Variants in CHM observed in about 807,000 individuals in gnomAD.
CHM encodes rab proteins geranylgeranyltransferase component A 1.
A neutral mutation model predicts 49.0 loss-of-function variants in CHM; 10 were observed. The observed-to-expected ratio is 0.20, with a 90% CI of 0.13 to 0.35. The LOEUF is 0.35. Among genes scored for constraint, CHM ranks in the 10% least tolerant of loss-of-function variants. CHM has a pLI of 1.00. For missense variants in CHM, 455 were observed against 478.4 expected (o/e 0.95, Z 0.46); for synonymous variants, 184 against 167.5 (o/e 1.10, Z -0.76).
intron 2 of CHM, 106 bp downstream of exon 2, chrX:86,027,385 T>C: frequency 6.3e-6 from 4 of 632,235 alleles, no homozygotes; most frequent in South Asian, 4.8e-5. Flanking sequence ...TTATGTATGA[T>C]ATACACATAC....
intron 12 of CHM, among the ~76,000 whole-genome samples, chrX:85,890,669 C>T (rs1925384895): frequency 8.9e-6 from 1 of 112,044 alleles, no homozygotes; most frequent in African/African-American, 3.3e-5. Context: ...AACTGTAAGT[C>T]CAATTAAATC....
intron 14 of CHM, among the ~76,000 whole-genome samples, chrX:85,867,133 C>T (rs754581696): frequency 8.9e-6 from 1 of 111,775 alleles, no homozygotes; most frequent in Non-Finnish European, 1.9e-5. Flanking sequence ...ACCCAAATCT[C>T]ATTTGCAATT....
At chrX:85,897,339 G>C (rs774052400) in intron 11 of CHM, among the ~76,000 whole-genome samples, 7 of 102,842 alleles carry the variant, frequency 6.8e-5, no homozygotes, top group East Asian at 5.9e-4. Context: ...GTGTGTGTGT[G>C]TGTGTCTGTG....
Position 85,891,331 on chromosome X carries a change from C to T in CHM, c.1510+2857G>A, listed in dbSNP as rs186953365. 4.5e-4 allele frequency among the ~76,000 whole-genome samples: 50 copies of T among 112,041 alleles called. No homozygotes were observed. In the East Asian group the frequency reaches 0.012, roughly 26 times the overall value. ...CCATGAGGAAAATGTCTCCAGGCCA[C>T]GTCAGAGACCTTCACTGCAGCCTCT... On this transcript the variant is annotated intron_variant, in intron 12 of 14. Transcript: ENST00000357749.
At chrX:86,030,062 G>T (rs1252860201) in intron 1 of CHM, among the ~76,000 whole-genome samples, 2 of 111,812 alleles carry the variant, frequency 1.8e-5, no homozygotes, top group African/African-American at 6.5e-5. Flanking sequence ...CCTCCATTTG[G>T]CCCAAAAATA....
intron 4 of CHM, among the ~76,000 whole-genome samples, chrX:85,972,609 C>T (rs1931000411): frequency 8.8e-6 from 1 of 113,085 alleles, no homozygotes; most frequent in Admixed American, 9.2e-5. Flanking sequence ...GGGTGCTAAG[C>T]CCCTCACTGC....
intron 8 of CHM, among the ~76,000 whole-genome samples, chrX:85,934,471 T>G (rs1928659306): frequency 1.2e-5 from 1 of 83,765 alleles, no homozygotes. Flanking sequence ...CCCCATCCTG[T>G]GTCCATCCTG....
At chrX:85,918,991 T>A (rs1422308576) in intron 8 of CHM, among the ~76,000 whole-genome samples, 2 of 111,167 alleles carry the variant, frequency 1.8e-5, no homozygotes, top group Admixed American at 1.9e-4. Context: ...ACCAAGATAT[T>A]GAGGACCTGA....
chrX:85,898,527 T>C (rs571087308), intron 11 of CHM, among the ~76,000 whole-genome samples: 1 of 111,717 alleles, frequency 9.0e-6, no homozygotes, highest in South Asian at 3.8e-4. Context: ...AACACCCTCT[T>C]CATCTCCACA....
At position 85,862,024 on chromosome X, in the gene CHM, C is replaced by A. The variant is rs994588928; in HGVS notation, c.*2606G>T. On this transcript the variant is annotated 3_prime_UTR_variant, in exon 15 of 15. Transcript: ENST00000357749. ...AAAGCTCTAAGAATAATTTCTGTTA[C>A]ATTTTGAGGCAACAGGAAATATATA... 8.9e-6 allele frequency: 1 copy of A among 112,009 alleles called. No individual in the cohort carries two copies. The highest frequency in any genetic ancestry group is 1.9e-5 in the Non-Finnish European group (1 of 53,161). 9.2% of individuals were successfully genotyped at this position (112,009 alleles called of 1,213,427 possible). A position where few individuals can be genotyped will look rare whatever the true frequency, so the allele number is the denominator to read the frequency against.
intron 8 of CHM, among the ~76,000 whole-genome samples, chrX:85,931,404 G>C (rs755147976): frequency 9.0e-6 from 1 of 111,403 alleles, no homozygotes; most frequent in Non-Finnish European, 1.9e-5. Context: ...CTAAAAATGC[G>C]TAAAAATCCA....
At chrX:86,043,912 C>T (rs1934567468) in intron 1 of CHM, among the ~76,000 whole-genome samples, 2 of 110,833 alleles carry the variant, frequency 1.8e-5, no homozygotes, top group South Asian at 7.6e-4. Flanking sequence ...ACTCTTAAAT[C>T]AAAAGAATAT....
At chrX:85,928,346 C>A (rs1188733144) in intron 8 of CHM, among the ~76,000 whole-genome samples, 1 of 111,273 alleles carries the variant, frequency 9.0e-6, no homozygotes, top group Middle Eastern at 4.2e-3. Flanking sequence ...AGTTTGAGAC[C>A]ATCCTGGCCA....
chrX:86,019,040 T>TA (rs1313168377), intron 2 of CHM, among the ~76,000 whole-genome samples: 2 of 111,746 alleles, frequency 1.8e-5, no homozygotes, highest in Admixed American at 1.9e-4. Flanking sequence ...GGAGAATGTA[T>TA]AAAAGGTAAC....
intron 2 of CHM, among the ~76,000 whole-genome samples, chrX:85,986,972 A>AG (rs374812293): frequency 6.7e-4 from 75 of 111,615 alleles, no homozygotes; most frequent in Non-Finnish European, 1.1e-3. Context: ...AAAAAAAAAA[A>AG]CTAACAAATC....
At chrX:85,879,132 G>A in intron 12 of CHM, 69 bp from the exon 13 acceptor site, 1 of 769,133 alleles carries the variant, frequency 1.3e-6, no homozygotes, top group Non-Finnish European at 1.9e-6. Context: ...AAGGCATTAA[G>A]CTGGTATTAT....
intron 12 of CHM, among the ~76,000 whole-genome samples, chrX:85,885,177 A>C (rs984758567): frequency 9.0e-6 from 1 of 110,638 alleles, no homozygotes; most frequent in African/African-American, 3.3e-5. Flanking sequence ...TGAATACTTA[A>C]TATGTACTTA....
At chrX:86,011,686 G>A (rs1418879958) in intron 2 of CHM, among the ~76,000 whole-genome samples, 1 of 111,736 alleles carries the variant, frequency 8.9e-6, no homozygotes, top group Non-Finnish European at 1.9e-5. Context: ...TTTTGTTAAT[G>A]CAATTAAGGA....
In CHM at chrX:85,979,825, C is replaced by T. The variant is rs773723707; in HGVS notation, c.190-934G>A. Reference sequence around the variant, plus strand: ...AAATATTTTTAAAAGGCTTTGTTGTCCTGAGTTTAACATTTTAAACTGAAG... The same window carrying T: ...AAATATTTTTAAAAGGCTTTGTTGTTCTGAGTTTAACATTTTAAACTGAAG... On this transcript the variant is annotated intron_variant, in intron 3 of 14. Coordinates refer to ENST00000357749, the MANE Select transcript of CHM (RefSeq NM_000390.4). Among the ~76,000 whole-genome samples, 8 of 111,737 alleles carry T rather than the reference C, an allele frequency of 7.2e-5. No homozygotes were observed. The South Asian group carries it at 1.1e-3, about 16-fold the overall frequency.
Sources: allele counts gnomAD v4.1 joint callset (sites outside exome capture counted in the v4.1 genomes callset), GRCh38; gene constraint gnomAD v4.1.1; transcripts MANE v1.5; gene names NCBI Gene and HGNC (gene_info 2026-07-23, HGNC 2026-07-21).